The following NAF1 variants were observed in gnomAD, a reference collection of about 807,000 sequenced individuals.
The protein encoded by NAF1 is nuclear assembly factor 1 ribonucleoprotein, also known as H/ACA ribonucleoprotein complex non-core subunit NAF1.
Under a neutral mutation model 40.6 loss-of-function variants are expected in NAF1, and 11 were observed. That is an observed-to-expected ratio of 0.27 (90% CI 0.17 to 0.45). The LOEUF (loss-of-function observed/expected upper bound fraction) is 0.45. Ranked by LOEUF, NAF1 falls within the 20% of genes least tolerant of loss-of-function variation. The pLI is 1.00. For missense variants in NAF1, 607 were observed against 611.1 expected, an observed-to-expected ratio of 0.99 and a Z score of 0.07; for synonymous variants, 260 against 228.5, an observed-to-expected ratio of 1.14 and a Z score of -1.24.
intron 3 of NAF1, among the ~76,000 whole-genome samples, chr4:163,147,750 T>C (rs1266843250): frequency 6.6e-6 from 1 of 152,176 alleles, no homozygotes; most frequent in East Asian, 1.9e-4. Context: ...TCCTGGATTA[T>C]GCAGGTAAAC....
intron 1 of NAF1, among the ~76,000 whole-genome samples, chr4:163,165,482 G>C (rs910146822): frequency 6.6e-6 from 1 of 152,138 alleles, no homozygotes; most frequent in Non-Finnish European, 1.5e-5. Context: ...TGCAATCTTA[G>C]TACTGCCAAG....
At chr4:163,147,629 G>A (rs183490703) in intron 3 of NAF1, among the ~76,000 whole-genome samples, 1 of 152,198 alleles carries the variant, frequency 6.6e-6, no homozygotes, top group Non-Finnish European at 1.5e-5. Flanking sequence ...GAGCAGAATG[G>A]CTCCCCAAGA....
At chr4:163,119,145 C>A (rs528332280) in intron 2 of NAF1, among the ~76,000 whole-genome samples, 49 of 152,056 alleles carry the variant, frequency 3.2e-4, no homozygotes, top group Non-Finnish European at 6.6e-4. Flanking sequence ...TTCTACATTC[C>A]ATTTGTATCT....
At chr4:163,150,055 A>G (rs1244253888) in intron 2 of NAF1, among the ~76,000 whole-genome samples, 1 of 152,076 alleles carries the variant, frequency 6.6e-6, no homozygotes, top group Non-Finnish European at 1.5e-5. Flanking sequence ...CTAAAACAAA[A>G]ATTTGAGTAC....
chr4:163,133,812 C>CTT (rs998611871), intron 6 of NAF1, among the ~76,000 whole-genome samples: 1 of 151,862 alleles, frequency 6.6e-6, no homozygotes, highest in African/African-American at 2.4e-5. Context: ...TAGGCAAAAG[C>CTT]TTTTTTGTGT....
chr4:163,163,337 A>G (rs763029272), intron 2 of NAF1, among the ~76,000 whole-genome samples: 1 of 152,212 alleles, frequency 6.6e-6, no homozygotes, highest in Non-Finnish European at 1.5e-5. Context: ...GGCAGAATCC[A>G]TTCATGAAAA....
chr4:163,152,770 C>T (rs536836306), intron 2 of NAF1, among the ~76,000 whole-genome samples: 6 of 152,236 alleles, frequency 3.9e-5, no homozygotes, highest in Non-Finnish European at 8.8e-5. Flanking sequence ...TTCAGCCCAC[C>T]GCTGCACTGT....
intron 6 of NAF1, among the ~76,000 whole-genome samples, chr4:163,134,214 C>G (rs28729919): frequency 6.6e-6 from 1 of 151,680 alleles, no homozygotes; most frequent in Non-Finnish European, 1.5e-5. Context: ...TGCCAGAAAA[C>G]GTCTATTATG....
chr4:163,118,874 A>G (rs1210970974), intron 2 of NAF1, among the ~76,000 whole-genome samples: 1 of 152,238 alleles, frequency 6.6e-6, no homozygotes, highest in Non-Finnish European at 1.5e-5. Context: ...CTATGTGAAA[A>G]AGTACCTGGA....
intron 2 of NAF1, among the ~76,000 whole-genome samples, chr4:163,116,711 T>C (rs1210819023): frequency 6.6e-6 from 1 of 152,228 alleles, no homozygotes; most frequent in Admixed American, 6.5e-5. Context: ...ATCTTTAACC[T>C]ATACAAGTCT....
intron 5 of NAF1, 39 bp from the exon 6 acceptor site, chr4:163,137,289 C>T (rs760830265): frequency 1.9e-6 from 3 of 1,585,950 alleles, no homozygotes; most frequent in Non-Finnish European, 2.6e-6. Flanking sequence ...AAGTATTCAT[C>T]ACAATTCTAT....
At chr4:163,117,718 C>CACACACACACACACACAT (rs1553957218) in intron 2 of NAF1, among the ~76,000 whole-genome samples, 3 of 141,174 alleles carry the variant, frequency 2.1e-5, no homozygotes, top group African/African-American at 7.5e-5. Context: ...CACACACACA[C>CACACACACACACACACAT]GCATGAATAC....
intron 2 of NAF1, chr4:163,157,409 T>C (rs1169538245): frequency 6.6e-6 from 1 of 152,072 alleles, no homozygotes; most frequent in East Asian, 1.9e-4. Context: ...TCCCCACTAA[T>C]ATGACTTCAG....
the NAF1 span, among the ~76,000 whole-genome samples, chr4:163,104,073 G>T: frequency 6.6e-6 from 1 of 152,074 alleles, no homozygotes; most frequent in Non-Finnish European, 1.5e-5. Flanking sequence ...TTGTTCTCTT[G>T]CGGGTAGGGG....
At chr4:163,107,451 G>T (rs1161281823), downstream of NAF1, among the ~76,000 whole-genome samples, 1 of 152,186 alleles carries the variant, frequency 6.6e-6, no homozygotes, top group Non-Finnish European at 1.5e-5. Flanking sequence ...CTCTCGCTGT[G>T]CAATTTTCTC....
chr4:163,119,574 T>C (rs1163014595), intron 2 of NAF1: 1 of 152,228 alleles, frequency 6.6e-6, no homozygotes, highest in Non-Finnish European at 1.5e-5. Flanking sequence ...CATGATCTTC[T>C]AATTGTCTTC....
chr4:163,128,861 T>A lies in NAF1; in HGVS notation c.*36A>T, dbSNP rs559427424. The A allele has an allele frequency of 3.4e-6, 5 of 1,472,556 alleles. No individual in the cohort carries two copies. Among genetic ancestry groups the A allele is most frequent in the Middle Eastern group, 2.3e-4 (1 of 4,368 alleles). The allele number at this position is 1,472,556 out of a possible 1,614,324, so 91.2% of individuals were successfully genotyped here. ...AAAAAAAAATCCTTACCACATAATA[T>A]GAAAAGTCCACATTTCTCTGGAAAT... On this transcript the variant is annotated 3_prime_UTR_variant, in exon 8 of 8. Coordinates refer to ENST00000274054, the MANE Select transcript of NAF1 (RefSeq NM_138386.3).
chr4:163,145,322 T>C (rs528061223), intron 4 of NAF1, among the ~76,000 whole-genome samples: 7 of 152,310 alleles, frequency 4.6e-5, no homozygotes, highest in African/African-American at 1.7e-4. Context: ...AGTGAAATAT[T>C]TTTCCACTTG....
Position 163,129,075 on chromosome 4 carries a change from A to T in NAF1, c.1307T>A (p.Leu436His). The change falls in exon 8 of 8, where the codon CTC (leucine) becomes CAC (histidine). Residue 436 changes from leucine to histidine, a missense_variant. Physicochemically the swap from Leu to His is moderately conservative, Grantham distance 99. Around this residue, in one of 3 missense-constraint regions of NAF1, gnomAD observed 189 missense variants for 216.6 expected, o/e 0.87. Coordinates refer to ENST00000274054, the MANE Select transcript of NAF1 (RefSeq NM_138386.3). ...LPVFDMHNFP[L>H]RPPPPPPPPP... ...GGGTGGTGGTGGGGGTGGAGGGCGG[A>T]GGGGAAAATTATGCATGTCAAACAC... The T allele has an allele frequency of 7.4e-7, 1 of 1,356,902 alleles. No individual in the cohort carries two copies. Among genetic ancestry groups the T allele is most frequent in the Non-Finnish European group, 1.0e-6 (1 of 985,866 alleles). 84.1% of individuals were successfully genotyped at this position (1,356,902 alleles called of 1,614,324 possible). A position where few individuals can be genotyped will look rare whatever the true frequency, so the allele number is the denominator to read the frequency against.
Sources: allele counts gnomAD v4.1 joint callset (sites outside exome capture counted in the v4.1 genomes callset), GRCh38; gene constraint gnomAD v4.1.1; regional missense constraint gnomAD v4.1.1; transcripts MANE v1.5; gene names NCBI Gene and HGNC (gene_info 2026-07-23, HGNC 2026-07-21).